Variants in GBA1 observed in about 807,000 individuals in gnomAD.
GBA1 encodes lysosomal acid glucosylceramidase.
the GBA1 span, chr1:155,236,231 CTG>C: frequency 6.2e-7 from 1 of 1,608,540 alleles, no homozygotes; most frequent in African/African-American, 1.3e-5. Flanking sequence ...GGAAGGGAGA[CTG>C]GGGTGGCTTA....
chr1:155,238,604 G>A, the GBA1 span: 1 of 1,613,670 alleles, frequency 6.2e-7, no homozygotes, highest in African/African-American at 1.3e-5. Flanking sequence ...TGCGGATGGA[G>A]AAGTCACAGC....
the GBA1 span, chr1:155,240,781 G>T: frequency 5.6e-6 from 8 of 1,421,324 alleles, no homozygotes; most frequent in Non-Finnish European, 7.9e-6. Context: ...TACTCTCCTG[G>T]GCAGGGCTTA....
At chr1:155,240,796 C>T in the GBA1 span, 1 of 1,255,032 alleles carries the variant, frequency 8.0e-7, no homozygotes, top group Non-Finnish European at 1.2e-6. Context: ...GGCTTAGCTG[C>T]CTTTGGGTGC....
At chr1:155,241,997 G>A in the GBA1 span, among the ~76,000 whole-genome samples, 3 of 152,222 alleles carry the variant, frequency 2.0e-5, no homozygotes, top group Non-Finnish European at 4.4e-5. Context: ...GACACAAGGA[G>A]GAAGCTGTCC....
At chr1:155,240,309 C>G in the GBA1 span, 2 of 603,244 alleles carry the variant, frequency 3.3e-6, no homozygotes, top group Non-Finnish European at 5.9e-6. Flanking sequence ...ACTAAAAATA[C>G]AAAAATTAGC....
At chr1:155,242,873 A>G in the GBA1 span, among the ~76,000 whole-genome samples, 2 of 152,214 alleles carry the variant, frequency 1.3e-5, no homozygotes, top group Non-Finnish European at 2.9e-5. Context: ...GATTATAGCA[A>G]TGAGCCACCA....
the GBA1 span, chr1:155,240,951 C>A: frequency 3.3e-6 from 3 of 895,556 alleles, no homozygotes; most frequent in Admixed American, 3.9e-5. Flanking sequence ...TCAACTTCGA[C>A]CCCTCCCTCC....
the GBA1 span, among the ~76,000 whole-genome samples, chr1:155,243,755 C>T: frequency 1.3e-5 from 2 of 151,988 alleles, no homozygotes; most frequent in South Asian, 2.1e-4. Context: ...TGAGGCACTG[C>T]GCCCAGTCCG....
At chr1:155,239,926 C>T in the GBA1 span, 12 of 1,614,128 alleles carry the variant, frequency 7.4e-6, no homozygotes, top group Non-Finnish European at 1.0e-5. Context: ...CCATACTCAG[C>T]TCCATCCGTC....
chr1:155,239,410 A>C, the GBA1 span, among the ~76,000 whole-genome samples: 8 of 152,036 alleles, frequency 5.3e-5, no homozygotes, highest in African/African-American at 1.9e-4. Context: ...GCACGCCTAT[A>C]ATTCCAGCTA....
At chr1:155,238,346 G>A in the GBA1 span, 1 of 1,538,810 alleles carries the variant, frequency 6.5e-7, no homozygotes, top group Non-Finnish European at 8.8e-7. Context: ...ACCCAGAGTT[G>A]GAACACATAC....
the GBA1 span, chr1:155,236,437 A>G: frequency 6.2e-7 from 1 of 1,614,036 alleles, no homozygotes; most frequent in East Asian, 2.2e-5. Context: ...CAATGCCATG[A>G]ACATATTTAG....
At chr1:155,236,177 C>G in the GBA1 span, 1 of 1,351,378 alleles carries the variant, frequency 7.4e-7, no homozygotes, top group Non-Finnish European at 1.0e-6. Context: ...GGGCTTCTGT[C>G]AGTCTTTGGT....
At chr1:155,236,473 C>A in the GBA1 span, 1 of 1,610,706 alleles carries the variant, frequency 6.2e-7, no homozygotes, top group East Asian at 2.2e-5. Flanking sequence ...TCAGTACCTG[C>A]AAAGGAAGAG....
chr1:155,239,813 A>G, the GBA1 span: 4 of 1,613,924 alleles, frequency 2.5e-6, no homozygotes, highest in African/African-American at 2.7e-5. Context: ...GGGAAACTCC[A>G]TGGTGATCAC....
the GBA1 span, among the ~76,000 whole-genome samples, chr1:155,239,243 G>A: frequency 5.9e-5 from 9 of 151,422 alleles, no homozygotes; most frequent in African/African-American, 2.2e-4. Context: ...AAAAAGAAAA[G>A]TGTCTGCTGG....
chr1:155,240,336 C>T, the GBA1 span: 819 of 601,720 alleles, frequency 1.4e-3, 6 homozygotes, highest in East Asian at 0.017. Context: ...TAGTGGTGGC[C>T]GCCTGTAATC....
At chr1:155,239,963 C>G in the GBA1 span, 1 of 1,614,078 alleles carries the variant, frequency 6.2e-7, no homozygotes, top group Non-Finnish European at 8.5e-7. Context: ...CTCATAGCGG[C>G]TGAAGGTACC....
chr1:155,238,930 G>A, the GBA1 span: 1 of 445,270 alleles, frequency 2.2e-6, no homozygotes, highest in South Asian at 2.1e-5. Flanking sequence ...TCCAAAGAAA[G>A]GGCAAAGAAA....
Sources: gnomAD v4.1 joint callset for allele counts (sites outside exome capture counted in the v4.1 genomes callset) on GRCh38, gnomAD v4.1.1 for gene constraint, MANE v1.5 for transcripts, NCBI Gene and HGNC (gene_info 2026-07-23, HGNC 2026-07-21) for gene names.